The following IL19 variants were observed in gnomAD, a reference collection of about 807,000 sequenced individuals.
IL19 encodes interleukin 19, also known as interleukin-19.
IL19 carries 15 observed loss-of-function variants against 19.5 expected under a neutral mutation model. The ratio of observed to expected loss-of-function variants is 0.77; its 90% CI spans 0.52 to 1.19. The LOEUF is 1.19. Among genes scored for constraint, IL19 ranks in the 50% most tolerant of loss-of-function variants. The pLI, the probability that IL19 is intolerant of heterozygous loss-of-function variation, is 0.00. For synonymous variants in IL19, 78 were observed against 78.3 expected, an observed-to-expected ratio of 1.00 and a Z score of 0.02; for missense variants, 199 against 213.1, an observed-to-expected ratio of 0.93 and a Z score of 0.41.
chr1:206,841,194 G>A, intron 6 of IL19, 116 bp downstream of exon 6: 1 of 780,148 alleles, frequency 1.3e-6, no homozygotes, highest in South Asian at 1.5e-5. Flanking sequence ...AGCAGCCATT[G>A]TGGGCAGGCC....
chr1:206,788,121 G>A (rs1675309011), intron 1 of IL19, among the ~76,000 whole-genome samples: 5 of 152,154 alleles, frequency 3.3e-5, no homozygotes, highest in Admixed American at 3.3e-4. Flanking sequence ...GAGGTGGCTT[G>A]AGCAATCTTA....
Position 206,809,947 on chromosome 1 carries a change from A to G in IL19, c.-3+10941A>G, listed in dbSNP as rs142702660. ...TTGTGAAAAACCTTATAACAACTTC[A>G]CTTGGGGCAGTTTCCTTCAAGGGAA... On this transcript the variant is annotated intron_variant, in intron 2 of 6. Transcript: ENST00000659997. 3.8e-3 allele frequency among the ~76,000 whole-genome samples: 586 copies of G among 152,240 alleles called. 8 individuals carry two copies. The highest frequency in any genetic ancestry group is 0.014 in the African/African-American group (563 of 41,508).
intron 2 of IL19, among the ~76,000 whole-genome samples, chr1:206,816,053 C>CA (rs1190844768): frequency 1.3e-5 from 2 of 151,756 alleles, no homozygotes; most frequent in African/African-American, 4.8e-5. Flanking sequence ...CAAAACAAAA[C>CA]AAAAAAACCT....
chr1:206,825,229 G>A (rs1204487825), intron 2 of IL19, among the ~76,000 whole-genome samples: 1 of 152,200 alleles, frequency 6.6e-6, no homozygotes, highest in African/African-American at 2.4e-5. Flanking sequence ...TGTAGTTGGT[G>A]CATAAGTAAC....
At chr1:206,821,380 C>T (rs12145973) in intron 2 of IL19, among the ~76,000 whole-genome samples, 15,307 of 152,260 alleles carry the variant, frequency 0.1, 1,077 homozygotes, top group Non-Finnish European at 0.15. Flanking sequence ...AAATAGTAGG[C>T]GCCATATAAG....
At chr1:206,827,915 A>T (rs1676482823) in intron 2 of IL19, among the ~76,000 whole-genome samples, 1 of 152,214 alleles carries the variant, frequency 6.6e-6, no homozygotes, top group Non-Finnish European at 1.5e-5. Flanking sequence ...CATCTTCCTT[A>T]TCCAAAATGA....
At chr1:206,790,160 T>A (rs924434512) in intron 1 of IL19, among the ~76,000 whole-genome samples, 1 of 152,246 alleles carries the variant, frequency 6.6e-6, no homozygotes, top group Non-Finnish European at 1.5e-5. Flanking sequence ...ACCAGCAGTG[T>A]ATAAGCGTTC....
At chr1:206,789,551 G>T (rs1361023387) in intron 1 of IL19, among the ~76,000 whole-genome samples, 1 of 152,094 alleles carries the variant, frequency 6.6e-6, no homozygotes, top group African/African-American at 2.4e-5. Context: ...ACTCCATGGT[G>T]TATATATGCC....
At chr1:206,828,692 A>G (rs1283215471) in intron 2 of IL19, among the ~76,000 whole-genome samples, 1 of 152,186 alleles carries the variant, frequency 6.6e-6, no homozygotes, top group Non-Finnish European at 1.5e-5. Context: ...AGTTGTCAGG[A>G]GTTAAAGAAT....
chr1:206,834,012 C>T (rs532831777), intron 2 of IL19: 6 of 985,406 alleles, frequency 6.1e-6, no homozygotes, highest in African/African-American at 3.5e-5. Context: ...TGTGAGTTGG[C>T]CTGCAGGGTA....
At chr1:206,839,750 A>T in intron 4 of IL19, 100 bp from the exon 5 acceptor site, 2 of 1,026,678 alleles carry the variant, frequency 1.9e-6, no homozygotes, top group South Asian at 1.6e-5. Flanking sequence ...AATGACTTTT[A>T]GTTCTCTCAT....
At chr1:206,820,217 C>T (rs769392987) in intron 2 of IL19, among the ~76,000 whole-genome samples, 17 of 152,138 alleles carry the variant, frequency 1.1e-4, no homozygotes, top group South Asian at 2.1e-4. Flanking sequence ...TCTGAGTGAT[C>T]GATAAAAATC....
intron 1 of IL19, among the ~76,000 whole-genome samples, chr1:206,786,891 C>T (rs547936718): frequency 1.3e-5 from 2 of 152,242 alleles, no homozygotes; most frequent in South Asian, 2.1e-4. Flanking sequence ...CCCAAGCCAC[C>T]GGAGAACAGA....
At chr1:206,800,444 G>C (rs1675653661) in intron 2 of IL19, among the ~76,000 whole-genome samples, 1 of 152,208 alleles carries the variant, frequency 6.6e-6, no homozygotes, top group Non-Finnish European at 1.5e-5. Flanking sequence ...AAGGGTTGGG[G>C]AGGAAGTGCC....
chr1:206,811,273 C>A (rs1022926928), intron 2 of IL19, among the ~76,000 whole-genome samples: 1 of 151,846 alleles, frequency 6.6e-6, no homozygotes, highest in African/African-American at 2.4e-5. Flanking sequence ...TGACCCCCAC[C>A]TCTACTAAAA....
intron 2 of IL19, among the ~76,000 whole-genome samples, chr1:206,833,217 G>C (rs1291109391): frequency 2.0e-5 from 3 of 152,250 alleles, no homozygotes; most frequent in Non-Finnish European, 2.9e-5. Flanking sequence ...AGCTGACAGA[G>C]GAGAGTGGTT....
chr1:206,795,213 G>A (rs11581469), intron 1 of IL19, among the ~76,000 whole-genome samples: 68,636 of 152,110 alleles, frequency 0.45, 15,995 homozygotes, highest in East Asian at 0.7. Context: ...CAGTCTGAGG[G>A]CAGTAGTCTG....
intron 1 of IL19, among the ~76,000 whole-genome samples, chr1:206,793,352 A>G (rs1026479911): frequency 6.6e-6 from 1 of 152,182 alleles, no homozygotes; most frequent in African/African-American, 2.4e-5. Flanking sequence ...CCAGGAGGGG[A>G]AAGCCATGAA....
chr1:206,781,919 AGTTATATATACATATATATGTATATAG>A (rs1675147288), intron 1 of IL19, among the ~76,000 whole-genome samples: 3 of 106,618 alleles, frequency 2.8e-5, no homozygotes, highest in African/African-American at 1.2e-4. Context: ...ATATGTATAT[AGTTATATATACATATATATGTATATAG>A]TTATATATAC....
Sources: allele counts gnomAD v4.1 joint callset (sites outside exome capture counted in the v4.1 genomes callset), GRCh38; gene constraint gnomAD v4.1.1; transcripts MANE v1.5; gene names NCBI Gene and HGNC (gene_info 2026-07-23, HGNC 2026-07-21).